The following SGPP2 variants were observed in gnomAD, a reference collection of about 807,000 sequenced individuals.
SGPP2 encodes the protein sphingosine-1-phosphate phosphatase 2.
Under a neutral mutation model 33.9 loss-of-function variants are expected in SGPP2, and 30 were observed. The ratio of observed to expected loss-of-function variants is 0.89; its 90% CI spans 0.66 to 1.20. The LOEUF (loss-of-function observed/expected upper bound fraction) is 1.20. Among genes scored for constraint, SGPP2 ranks in the 50% most tolerant of loss-of-function variants. The probability of loss-of-function intolerance (pLI) is 0.00; values close to 1 mark genes in which losing one functional copy is unlikely to be tolerated. For synonymous variants in SGPP2, 233 were observed against 225.0 expected (o/e 1.04, Z -0.32); for missense variants, 458 against 532.1 (o/e 0.86, Z 1.37).
At chr2:222,463,860 T>G (rs981804487) in intron 1 of SGPP2, among the ~76,000 whole-genome samples, 2 of 152,342 alleles carry the variant, frequency 1.3e-5, no homozygotes, top group Non-Finnish European at 2.9e-5. Context: ...TTTTTGGCAG[T>G]GCCTTTTAAT....
intron 1 of SGPP2, among the ~76,000 whole-genome samples, chr2:222,446,086 A>G (rs1697394495): frequency 6.6e-6 from 1 of 152,210 alleles, no homozygotes; most frequent in East Asian, 1.9e-4. Flanking sequence ...TCTGCCCTTG[A>G]ATGCTAGGTG....
At chr2:222,466,017 G>T (rs1342292401) in intron 1 of SGPP2, among the ~76,000 whole-genome samples, 1 of 152,080 alleles carries the variant, frequency 6.6e-6, no homozygotes, top group African/African-American at 2.4e-5. Context: ...TTGCTAGCTG[G>T]CTGTGGTGGC....
At chr2:222,458,874 T>C (rs890829325) in intron 1 of SGPP2, among the ~76,000 whole-genome samples, 19 of 152,276 alleles carry the variant, frequency 1.2e-4, no homozygotes, top group African/African-American at 4.6e-4. Flanking sequence ...CTTTCGTACT[T>C]TTAAAGTGGT....
chr2:222,535,956 C>T (rs1698909387), intron 4 of SGPP2, among the ~76,000 whole-genome samples: 1 of 152,220 alleles, frequency 6.6e-6, no homozygotes, highest in Admixed American at 6.5e-5. Flanking sequence ...ACTGAGAATG[C>T]ATCCACTTTT....
At chr2:222,439,376 A>G (rs1697291501) in intron 1 of SGPP2, among the ~76,000 whole-genome samples, 1 of 152,154 alleles carries the variant, frequency 6.6e-6, no homozygotes, top group Non-Finnish European at 1.5e-5. Flanking sequence ...TACTAAAAAT[A>G]CAAAAATTAG....
chr2:222,557,063 C>G (rs2106159629), intron 4 of SGPP2, among the ~76,000 whole-genome samples: 1 of 152,302 alleles, frequency 6.6e-6, no homozygotes, highest in South Asian at 2.1e-4. Flanking sequence ...CCTCAGGCTG[C>G]TCCCAGGACG....
At chr2:222,502,787 G>A (rs902729729) in intron 2 of SGPP2, among the ~76,000 whole-genome samples, 3 of 152,130 alleles carry the variant, frequency 2.0e-5, no homozygotes, top group Non-Finnish European at 4.4e-5. Flanking sequence ...CAACAGTGCT[G>A]GGGGAAATGG....
At chr2:222,441,904 A>G (rs1697330693) in intron 1 of SGPP2, among the ~76,000 whole-genome samples, 1 of 152,308 alleles carries the variant, frequency 6.6e-6, no homozygotes, top group South Asian at 2.1e-4. Context: ...TTATTAAACT[A>G]TGTGAAGTAC....
chr2:222,505,826 T>C (rs1184633973), intron 2 of SGPP2, among the ~76,000 whole-genome samples: 1 of 151,492 alleles, frequency 6.6e-6, no homozygotes, highest in African/African-American at 2.4e-5. Flanking sequence ...TCCCAGCTAC[T>C]TGGGGGGCTG....
intron 2 of SGPP2, among the ~76,000 whole-genome samples, chr2:222,486,677 C>T (rs1698114795): frequency 6.6e-6 from 1 of 152,242 alleles, no homozygotes; most frequent in East Asian, 1.9e-4. Context: ...TATTATGACT[C>T]TCATTTTAAG....
chr2:222,551,912 C>G (rs1361220466), intron 4 of SGPP2, among the ~76,000 whole-genome samples: 1 of 152,144 alleles, frequency 6.6e-6, no homozygotes, highest in Non-Finnish European at 1.5e-5. Flanking sequence ...CATTCTTATG[C>G]CTTTGGATCC....
chr2:222,443,207 G>A (rs1410895499), intron 1 of SGPP2, among the ~76,000 whole-genome samples: 1 of 151,964 alleles, frequency 6.6e-6, no homozygotes, highest in East Asian at 1.9e-4. Context: ...TTTAATTTCA[G>A]CTTTATTTTA....
Position 222,559,317 on chromosome 2 carries a change from G to GA in SGPP2, c.*420dup, listed in dbSNP as rs928530611. 64 of 174,336 alleles carry GA rather than the reference G, an allele frequency of 3.7e-4. No homozygotes were observed. The highest frequency in any genetic ancestry group is 1.3e-3 in the African/African-American group (53 of 42,302). The allele number at this position is 174,336 out of a possible 1,614,324, so 10.8% of individuals were successfully genotyped here. A position where few individuals can be genotyped will look rare whatever the true frequency, so the allele number is the denominator to read the frequency against. Reference sequence around the variant, plus strand: ...AGAGATGGGGTGATCTGGGAGGCTGGAGGTAGAGCCTTTCTTTTCCGTTAC... The same window carrying GA: ...AGAGATGGGGTGATCTGGGAGGCTGGAAGGTAGAGCCTTTCTTTTCCGTTAC... On this transcript the variant is annotated 3_prime_UTR_variant, in exon 5 of 5. Transcript: ENST00000321276.
At chr2:222,452,272 T>C in intron 1 of SGPP2, 1 of 492,072 alleles carries the variant, frequency 2.0e-6, no homozygotes, top group Non-Finnish European at 3.8e-6. Flanking sequence ...ATTGACTGGA[T>C]AGGCATAATG....
At chr2:222,478,572 A>T (rs1395539228) in intron 2 of SGPP2, among the ~76,000 whole-genome samples, 1 of 152,114 alleles carries the variant, frequency 6.6e-6, no homozygotes, top group East Asian at 1.9e-4. Flanking sequence ...AAGAAATGTT[A>T]ATTACATAAG....
intron 1 of SGPP2, among the ~76,000 whole-genome samples, chr2:222,428,626 C>G (rs766309209): frequency 6.6e-6 from 1 of 152,050 alleles, no homozygotes; most frequent in African/African-American, 2.4e-5. Flanking sequence ...TGTTAATCTA[C>G]GAAACCTTGA....
intron 4 of SGPP2, among the ~76,000 whole-genome samples, chr2:222,545,173 T>C (rs1259337811): frequency 6.6e-6 from 1 of 152,228 alleles, no homozygotes; most frequent in East Asian, 1.9e-4. Flanking sequence ...CTTGCATTTA[T>C]TATGATTTCT....
intron 1 of SGPP2, among the ~76,000 whole-genome samples, chr2:222,440,503 C>A (rs1461323620): frequency 6.6e-6 from 1 of 151,706 alleles, no homozygotes; most frequent in South Asian, 2.1e-4. Context: ...CCACCATGCC[C>A]GGCTAATTTT....
intron 2 of SGPP2, among the ~76,000 whole-genome samples, chr2:222,500,265 G>A (rs1365575074): frequency 6.6e-6 from 1 of 152,156 alleles, no homozygotes; most frequent in Non-Finnish European, 1.5e-5. Context: ...GGTGAGTGGG[G>A]GCTGGAAGCA....
Sources: gnomAD v4.1 joint callset for allele counts (sites outside exome capture counted in the v4.1 genomes callset) on GRCh38, gnomAD v4.1.1 for gene constraint, MANE v1.5 for transcripts, NCBI Gene and HGNC (gene_info 2026-07-23, HGNC 2026-07-21) for gene names.